The following FSTL5 variants were observed in gnomAD, a reference collection of about 807,000 sequenced individuals.
FSTL5 encodes follistatin-related protein 5.
Under a neutral mutation model 89.1 loss-of-function variants are expected in FSTL5, and 62 were observed. The ratio of observed to expected loss-of-function variants is 0.70; its 90% confidence interval spans 0.57 to 0.86. The LOEUF is 0.86. Ranked by LOEUF, FSTL5 falls within the 40% of genes least tolerant of loss-of-function variation. The probability of loss-of-function intolerance (pLI) is 0.00; values close to 1 mark genes in which losing one functional copy is unlikely to be tolerated. For synonymous variants in FSTL5, 383 were observed against 346.2 expected, an observed-to-expected ratio of 1.11 and a Z score of -1.18; for missense variants, 1,057 against 1,001.6, an observed-to-expected ratio of 1.06 and a Z score of -0.75.
intron 1 of FSTL5, 136 bp downstream of exon 1, chr4:162,163,479 A>G (rs1209231722): frequency 6.9e-6 from 1 of 144,696 alleles, no homozygotes; most frequent in Non-Finnish European, 1.5e-5. Context: ...AGTAATTATT[A>G]AAATATTTTT....
chr4:162,011,168 G>C (rs557958809), intron 3 of FSTL5, among the ~76,000 whole-genome samples: 42 of 152,200 alleles, frequency 2.8e-4, no homozygotes, highest in African/African-American at 9.1e-4. Context: ...CTGGAAGGTT[G>C]GGGGTTTGGA....
intron 4 of FSTL5, among the ~76,000 whole-genome samples, chr4:161,801,001 G>C (rs961673776): frequency 2.6e-5 from 4 of 151,470 alleles, no homozygotes; most frequent in African/African-American, 9.7e-5. Context: ...TAGGAACCAT[G>C]ACAAAATAAT....
intron 12 of FSTL5, chr4:161,495,571 A>G (rs2126476816): frequency 6.6e-6 from 1 of 152,258 alleles, no homozygotes; most frequent in South Asian, 2.1e-4. Context: ...TGTTGTATAT[A>G]TCCTCACCAA....
At chr4:162,018,698 A>G (rs908184114) in intron 3 of FSTL5, among the ~76,000 whole-genome samples, 3 of 151,996 alleles carry the variant, frequency 2.0e-5, no homozygotes, top group Non-Finnish European at 4.4e-5. Flanking sequence ...ATTTTTTCTC[A>G]AGTTCCAGAA....
chr4:162,133,025 C>T (rs1192111811), intron 1 of FSTL5, among the ~76,000 whole-genome samples: 1 of 152,178 alleles, frequency 6.6e-6, no homozygotes, highest in East Asian at 1.9e-4. Flanking sequence ...TCACTGCAAG[C>T]TCCGCCTCCT....
At chr4:161,792,168 G>C (rs921936639) in intron 4 of FSTL5, among the ~76,000 whole-genome samples, 1 of 152,098 alleles carries the variant, frequency 6.6e-6, no homozygotes, top group Non-Finnish European at 1.5e-5. Context: ...ATGTTGAGCC[G>C]AGCCCAGGCA....
intron 6 of FSTL5, among the ~76,000 whole-genome samples, chr4:161,697,561 T>C (rs1457369458): frequency 1.3e-5 from 2 of 152,216 alleles, no homozygotes; most frequent in East Asian, 1.9e-4. Flanking sequence ...CCCATGTTTA[T>C]TGTAGCACTA....
intron 2 of FSTL5, among the ~76,000 whole-genome samples, chr4:162,074,670 G>A (rs1729764665): frequency 6.6e-6 from 1 of 151,438 alleles, no homozygotes; most frequent in Non-Finnish European, 1.5e-5. Flanking sequence ...TATATATTTA[G>A]GGTACACAAT....
chr4:161,769,672 G>A (rs1383727728), intron 5 of FSTL5, among the ~76,000 whole-genome samples: 1 of 151,760 alleles, frequency 6.6e-6, no homozygotes, highest in Non-Finnish European at 1.5e-5. Context: ...ACTGGGGATA[G>A]AAGAAATATA....
chr4:161,525,513 C>A (rs536355314), intron 10 of FSTL5, among the ~76,000 whole-genome samples: 1 of 152,126 alleles, frequency 6.6e-6, no homozygotes, highest in South Asian at 2.1e-4. Context: ...CAAATTATAG[C>A]CATTTCAAAG....
chr4:161,668,982 C>T (rs554699738), intron 6 of FSTL5, among the ~76,000 whole-genome samples: 4 of 151,108 alleles, frequency 2.6e-5, no homozygotes, highest in Non-Finnish European at 4.4e-5. Flanking sequence ...TGTGGTGGTG[C>T]GTACCTATAA....
rs549018797 is a variant in FSTL5 at position 161,753,583 on chromosome 4, T to C, written c.727+5828A>G. Reference sequence around the variant, plus strand: ...GCTATTTTTCTCAAACAAAGGTTTTTATATACTAATGATCTAATATCTATG... The same window carrying C: ...GCTATTTTTCTCAAACAAAGGTTTTCATATACTAATGATCTAATATCTATG... On this transcript the variant is annotated intron_variant, in intron 6 of 15. Transcript: ENST00000306100. 3.3e-5 allele frequency among the ~76,000 whole-genome samples: 5 copies of C among 152,350 alleles called. No individual in the cohort carries two copies. The East Asian group carries it at 9.6e-4, about 29-fold the overall frequency.
At chr4:161,903,349 A>G (rs1193629066) in intron 4 of FSTL5, among the ~76,000 whole-genome samples, 9 of 152,138 alleles carry the variant, frequency 5.9e-5, no homozygotes, top group Admixed American at 5.9e-4. Flanking sequence ...TTTAGTCCCT[A>G]TCAAAAACTA....
At chr4:161,962,022 C>G (rs1468983036) in intron 3 of FSTL5, among the ~76,000 whole-genome samples, 2 of 151,628 alleles carry the variant, frequency 1.3e-5, no homozygotes, top group East Asian at 3.9e-4. Flanking sequence ...ATTATTATAG[C>G]TATATTAATA....
intron 15 of FSTL5, among the ~76,000 whole-genome samples, chr4:161,453,785 G>C (rs1733254642): frequency 6.6e-6 from 1 of 151,904 alleles, no homozygotes; most frequent in Admixed American, 6.6e-5. Context: ...ATAGAGACAG[G>C]GTTTTGCCAT....
At chr4:162,090,866 C>T (rs926637449) in intron 2 of FSTL5, among the ~76,000 whole-genome samples, 1 of 151,834 alleles carries the variant, frequency 6.6e-6, no homozygotes, top group Admixed American at 6.6e-5. Flanking sequence ...CATTTACCAA[C>T]ATCTTTACAT....
At chr4:161,597,305 T>G (rs550023342) in intron 7 of FSTL5, among the ~76,000 whole-genome samples, 1 of 152,180 alleles carries the variant, frequency 6.6e-6, no homozygotes, top group South Asian at 2.1e-4. Context: ...CCCCATTTCT[T>G]GTTTTTCTCA....
At chr4:161,630,817 T>G (rs1469442960) in intron 7 of FSTL5, among the ~76,000 whole-genome samples, 1 of 152,212 alleles carries the variant, frequency 6.6e-6, no homozygotes, top group African/African-American at 2.4e-5. Flanking sequence ...GGCCCCAAAA[T>G]ATTATTTACT....
intron 2 of FSTL5, among the ~76,000 whole-genome samples, chr4:162,036,089 T>C (rs146524694): frequency 6.6e-6 from 1 of 152,242 alleles, no homozygotes; most frequent in Non-Finnish European, 1.5e-5. Context: ...CTTTCTTCCA[T>C]ATAGCTCATT....
Sources: gnomAD v4.1 joint callset for allele counts (sites outside exome capture counted in the v4.1 genomes callset) on GRCh38, gnomAD v4.1.1 for gene constraint, MANE v1.5 for transcripts, NCBI Gene and HGNC (gene_info 2026-07-23, HGNC 2026-07-21) for gene names.